SKIC3: variants seen among roughly 807,000 people sequenced by gnomAD.
SKIC3 encodes the protein SKI3 subunit of superkiller complex, also known as superkiller complex protein 3.
chr5:95,493,083 C>A, the SKIC3 span, among the ~76,000 whole-genome samples: 1 of 152,112 alleles, frequency 6.6e-6, no homozygotes, highest in African/African-American at 2.4e-5. Flanking sequence ...CCATTCAGTT[C>A]TAAATTCTTG....
At chr5:95,510,557 T>C in the SKIC3 span, among the ~76,000 whole-genome samples, 9 of 152,176 alleles carry the variant, frequency 5.9e-5, no homozygotes, top group Non-Finnish European at 8.8e-5. Context: ...ATCACCCAGA[T>C]TGATAAACTG....
the SKIC3 span, chr5:95,536,798 A>T: frequency 6.3e-7 from 1 of 1,578,740 alleles, no homozygotes; most frequent in African/African-American, 1.3e-5. Context: ...GACACACACT[A>T]TAATAAGGAA....
At chr5:95,506,947 C>A in the SKIC3 span, 43 of 1,613,110 alleles carry the variant, frequency 2.7e-5, no homozygotes, top group Non-Finnish European at 3.4e-5. Flanking sequence ...AACAATCTGC[C>A]GTAATTTCTT....
At chr5:95,543,033 C>T in the SKIC3 span, 146 of 936,980 alleles carry the variant, frequency 1.6e-4, no homozygotes, top group South Asian at 2.3e-3. Context: ...TCTAAACTAA[C>T]TTTTAGGTTT....
At chr5:95,552,135 T>C in the SKIC3 span, among the ~76,000 whole-genome samples, 4 of 152,328 alleles carry the variant, frequency 2.6e-5, no homozygotes, top group East Asian at 7.7e-4. Context: ...TAAATGCATT[T>C]TGACGTACAA....
At chr5:95,520,969 T>A in the SKIC3 span, 1 of 624,680 alleles carries the variant, frequency 1.6e-6, no homozygotes, top group South Asian at 2.1e-5. Flanking sequence ...AGCATGATCC[T>A]ACATTCACTC....
the SKIC3 span, chr5:95,517,031 G>C: frequency 6.2e-7 from 1 of 1,613,632 alleles, no homozygotes; most frequent in Admixed American, 1.7e-5. Flanking sequence ...ATTAGATGTA[G>C]ACATCAGTTT....
the SKIC3 span, among the ~76,000 whole-genome samples, chr5:95,493,991 G>T: frequency 6.6e-6 from 1 of 152,054 alleles, no homozygotes; most frequent in East Asian, 1.9e-4. Flanking sequence ...CATAACTGTG[G>T]CATTTCTAAC....
At chr5:95,513,377 A>AC in the SKIC3 span, 1 of 440,472 alleles carries the variant, frequency 2.3e-6, no homozygotes, top group African/African-American at 2.2e-5. Flanking sequence ...CTAATTTTTA[A>AC]TTTTTTTTTT....
At chr5:95,510,966 C>T in the SKIC3 span, among the ~76,000 whole-genome samples, 1 of 152,184 alleles carries the variant, frequency 6.6e-6, no homozygotes, top group Non-Finnish European at 1.5e-5. Context: ...GCCTTCAAAT[C>T]CTTTAGATTA....
chr5:95,490,454 T>TTCA, the SKIC3 span, among the ~76,000 whole-genome samples: 16 of 146,974 alleles, frequency 1.1e-4, no homozygotes, highest in African/African-American at 4.0e-4. Context: ...TATATATATA[T>TTCA]TTAAATAATG....
chr5:95,472,099 C>T, the SKIC3 span, among the ~76,000 whole-genome samples: 1 of 152,204 alleles, frequency 6.6e-6, no homozygotes, highest in Non-Finnish European at 1.5e-5. Context: ...GTGGAAACTT[C>T]AGATTCCTTT....
At chr5:95,473,596 A>G in the SKIC3 span, among the ~76,000 whole-genome samples, 1 of 152,160 alleles carries the variant, frequency 6.6e-6, no homozygotes, top group African/African-American at 2.4e-5. Context: ...TGACTTTTTA[A>G]TAATAGCCAT....
the SKIC3 span, among the ~76,000 whole-genome samples, chr5:95,485,186 A>G: frequency 6.6e-6 from 1 of 152,246 alleles, no homozygotes; most frequent in African/African-American, 2.4e-5. Context: ...GATATTTGAC[A>G]TGTATATCAG....
At chr5:95,484,901 G>C in the SKIC3 span, 13 of 1,587,346 alleles carry the variant, frequency 8.2e-6, no homozygotes. Flanking sequence ...TGTGTTCTTA[G>C]AGGAGTAACT....
the SKIC3 span, among the ~76,000 whole-genome samples, chr5:95,546,122 C>A: frequency 6.6e-6 from 1 of 152,058 alleles, no homozygotes; most frequent in Non-Finnish European, 1.5e-5. Flanking sequence ...ACTCCCTTGT[C>A]ATGTCTTTCC....
the SKIC3 span, chr5:95,520,573 A>AT: frequency 4.3e-5 from 28 of 652,120 alleles, no homozygotes; most frequent in African/African-American, 4.7e-4. Context: ...CATGTATGTT[A>AT]TAGAATTGGC....
the SKIC3 span, chr5:95,540,834 T>TTAAA: frequency 5.0e-6 from 8 of 1,613,694 alleles, no homozygotes; most frequent in Admixed American, 5.0e-5. Context: ...GAGCCACCTA[T>TTAAA]TAAAGAAGGA....
the SKIC3 span, among the ~76,000 whole-genome samples, chr5:95,518,864 C>T: frequency 2.6e-5 from 4 of 152,016 alleles, no homozygotes; most frequent in East Asian, 7.7e-4. Flanking sequence ...GTTCTATTTG[C>T]AGTTTTTTGA....
Sources: allele counts gnomAD v4.1 joint callset (sites outside exome capture counted in the v4.1 genomes callset), GRCh38; gene constraint gnomAD v4.1.1; transcripts MANE v1.5; gene names NCBI Gene and HGNC (gene_info 2026-07-23, HGNC 2026-07-21).